Variants in IFNGR2 observed in about 807,000 individuals in gnomAD.
IFNGR2 encodes the protein interferon gamma receptor 2.
Under a neutral mutation model 41.1 loss-of-function variants are expected in IFNGR2, and 15 were observed. The ratio of observed to expected loss-of-function variants is 0.37; its 90% CI spans 0.24 to 0.56. The LOEUF (loss-of-function observed/expected upper bound fraction) is 0.56. Among genes scored for constraint, IFNGR2 ranks in the 20% least tolerant of loss-of-function variants. The pLI, the probability that IFNGR2 is intolerant of heterozygous loss-of-function variation, is 0.81. For synonymous variants in IFNGR2, 161 were observed against 171.6 expected (o/e 0.94, Z 0.48); for missense variants, 362 against 415.7 (o/e 0.87, Z 1.12).
At chr21:33,408,357 G>A (rs1161907335) in intron 1 of IFNGR2, among the ~76,000 whole-genome samples, 1 of 151,786 alleles carries the variant, frequency 6.6e-6, no homozygotes, top group East Asian at 1.9e-4. Flanking sequence ...CACCGCACCT[G>A]GCTAATTTTT....
In IFNGR2 at chr21:33,432,349, TTCTTA is replaced by T; in HGVS notation, c.721+15_721+19del. 1.2e-6 allele frequency: 2 copies of T among 1,607,060 alleles called. No homozygotes were observed. The highest frequency in any genetic ancestry group is 1.7e-6 in the Non-Finnish European group (2 of 1,173,554). ...ACAATGGCAGATGGTAAAATATACC[TTCTTA>T]TGTCCTTTCTGAACTGGGAAAAGAA... On this transcript the variant is annotated intron_variant, in intron 5 of 6. Transcript: ENST00000290219.
At chr21:33,406,063 C>T (rs552860145) in intron 1 of IFNGR2, among the ~76,000 whole-genome samples, 1 of 150,598 alleles carries the variant, frequency 6.6e-6, no homozygotes, top group South Asian at 2.1e-4. Flanking sequence ...AAAAAACTGG[C>T]TCCATTGATC....
intron 1 of IFNGR2, among the ~76,000 whole-genome samples, chr21:33,413,826 C>CTTTTTTTTTTTTTT (rs3057381): frequency 1.6e-5 from 1 of 61,728 alleles, no homozygotes. Flanking sequence ...GCCCCCTAAC[C>CTTTTTTTTTTTTTT]TTTTTTTTTT....
At chr21:33,415,363 T>G (rs1330707488) in intron 2 of IFNGR2, among the ~76,000 whole-genome samples, 1 of 152,230 alleles carries the variant, frequency 6.6e-6, no homozygotes, top group African/African-American at 2.4e-5. Flanking sequence ...ATCTTCGGGC[T>G]TAAAAATCGG....
intron 4 of IFNGR2, among the ~76,000 whole-genome samples, chr21:33,428,248 C>T (rs2083857356): frequency 6.7e-6 from 1 of 148,528 alleles, no homozygotes; most frequent in African/African-American, 2.5e-5. Context: ...TTTTTTGAGA[C>T]AGTCTCACTG....
intron 2 of IFNGR2, among the ~76,000 whole-genome samples, chr21:33,420,321 G>A (rs2083783201): frequency 6.6e-6 from 1 of 152,154 alleles, no homozygotes; most frequent in Non-Finnish European, 1.5e-5. Context: ...ACTGTCCGCT[G>A]CCCCTACTCA....
At chr21:33,421,714 T>C in intron 3 of IFNGR2, 29 bp downstream of exon 3, 1 of 1,551,492 alleles carries the variant, frequency 6.4e-7, no homozygotes, top group Non-Finnish European at 8.9e-7. Flanking sequence ...AGAACTTCCT[T>C]TATACTTTCC....
intron 1 of IFNGR2, among the ~76,000 whole-genome samples, chr21:33,403,841 C>A (rs1463686657): frequency 6.6e-6 from 1 of 152,082 alleles, no homozygotes; most frequent in Non-Finnish European, 1.5e-5. Context: ...GCTAGAGGGG[C>A]CCGCTGGGAG....
In IFNGR2 at chr21:33,423,693, C is replaced by T. The variant is rs537555027; in HGVS notation, c.412+2008C>T. Reference sequence around the variant, plus strand: ...CTAGGATTACAGGCGTGAGAGCCACCGTGCCCGGCCAATAAAAAGTTTTTT... The same window carrying T: ...CTAGGATTACAGGCGTGAGAGCCACTGTGCCCGGCCAATAAAAAGTTTTTT... On this transcript the variant is annotated intron_variant, in intron 3 of 6. Transcript: ENST00000290219. Among the ~76,000 whole-genome samples, 21 of 152,160 alleles carry T rather than the reference C, an allele frequency of 1.4e-4. 1 individual carries two copies. The East Asian group carries it at 2.9e-3, about 21-fold the overall frequency.
At chr21:33,418,556 G>A (rs2083769372) in intron 2 of IFNGR2, among the ~76,000 whole-genome samples, 1 of 152,152 alleles carries the variant, frequency 6.6e-6, no homozygotes, top group Non-Finnish European at 1.5e-5. Context: ...TTTGAGGCTT[G>A]TGAGACTTAA....
At chr21:33,403,215 C>G (rs1348310056), upstream of IFNGR2, 3 of 153,822 alleles carry the variant, frequency 2.0e-5, no homozygotes, top group Admixed American at 1.3e-4. Context: ...GCTCCAGTCT[C>G]CAGGACGTTC....
At chr21:33,431,792 T>TC (rs1383896695) in intron 4 of IFNGR2, among the ~76,000 whole-genome samples, 2 of 152,142 alleles carry the variant, frequency 1.3e-5, no homozygotes, top group Admixed American at 6.6e-5. Context: ...GCTGGTCTCT[T>TC]AACTCCTGAC....
Position 33,437,021 on chromosome 21 carries a change from T to C in IFNGR2, c.*59T>C. 4 of 1,587,396 alleles carry C rather than the reference T, an allele frequency of 2.5e-6. No homozygotes were observed. In the Admixed American group the frequency reaches 5.0e-5, roughly 20 times the overall value. On this transcript the variant is annotated 3_prime_UTR_variant, in exon 7 of 7. Coordinates refer to ENST00000290219, the MANE Select transcript of IFNGR2 (RefSeq NM_005534.4). ...GAAGAGATCAAGCCATCGGAGCTGC[T>C]AGAGTTCTGTCTGGACTTTCCAGAG... is the stretch of plus-strand genomic sequence containing the variant.
chr21:33,420,465 G>A (rs1405904899), intron 2 of IFNGR2, among the ~76,000 whole-genome samples: 1 of 152,160 alleles, frequency 6.6e-6, no homozygotes, highest in Non-Finnish European at 1.5e-5. Flanking sequence ...TCACAAGGAT[G>A]TGTGGCCATG....
chr21:33,405,525 G>A (rs1180598628), intron 1 of IFNGR2, among the ~76,000 whole-genome samples: 5 of 152,112 alleles, frequency 3.3e-5, no homozygotes, highest in Admixed American at 1.3e-4. Flanking sequence ...ATCAGCAGGC[G>A]AGTGACTTCA....
At chr21:33,433,542 A>C (rs2083911381) in intron 6 of IFNGR2, among the ~76,000 whole-genome samples, 1 of 152,148 alleles carries the variant, frequency 6.6e-6, no homozygotes, top group Admixed American at 6.6e-5. Flanking sequence ...TTCCACTTAA[A>C]TGAGGTCCCC....
At chr21:33,412,899 A>G (rs1345997762) in intron 1 of IFNGR2, among the ~76,000 whole-genome samples, 1 of 152,108 alleles carries the variant, frequency 6.6e-6, no homozygotes, top group Non-Finnish European at 1.5e-5. Flanking sequence ...TGGTCCGGAG[A>G]GCTGCCTTAG....
At chr21:33,405,552 C>A (rs1365117521) in intron 1 of IFNGR2, among the ~76,000 whole-genome samples, 1 of 152,112 alleles carries the variant, frequency 6.6e-6, no homozygotes, top group Non-Finnish European at 1.5e-5. Context: ...AGAGGAGTGA[C>A]TAGTGGTGAT....
At chr21:33,436,300 G>T (rs2083950224) in intron 6 of IFNGR2, among the ~76,000 whole-genome samples, 1 of 151,876 alleles carries the variant, frequency 6.6e-6, no homozygotes, top group South Asian at 2.1e-4. Flanking sequence ...TTGCACTCCA[G>T]CCTGGGCAAC....
Sources: allele counts gnomAD v4.1 joint callset (sites outside exome capture counted in the v4.1 genomes callset), GRCh38; gene constraint gnomAD v4.1.1; transcripts MANE v1.5; gene names NCBI Gene and HGNC (gene_info 2026-07-23, HGNC 2026-07-21).